The following CTNNA2 variants were observed in gnomAD, a reference collection of about 807,000 sequenced individuals.
CTNNA2 encodes the protein catenin alpha-2.
Under a neutral mutation model 101.0 loss-of-function variants are expected in CTNNA2, and 42 were observed. The ratio of observed to expected loss-of-function variants is 0.42; its 90% CI spans 0.32 to 0.54. The LOEUF is 0.54. CTNNA2 is among the 20% of genes least tolerant of loss of function. The pLI is 0.14. For missense variants in CTNNA2, 871 were observed against 1,223.1 expected (o/e 0.71, Z 4.29); for synonymous variants, 450 against 456.4 (o/e 0.99, Z 0.18).
At chr2:80,165,417 C>T (rs1291486738) in intron 7 of CTNNA2, among the ~76,000 whole-genome samples, 1 of 151,926 alleles carries the variant, frequency 6.6e-6, no homozygotes, top group Non-Finnish European at 1.5e-5. Context: ...CTAAAAGTTA[C>T]ATGTAGTTTT....
chr2:80,632,958 C>A (rs1283148215), intron 18 of CTNNA2, among the ~76,000 whole-genome samples: 1 of 152,178 alleles, frequency 6.6e-6, no homozygotes, highest in African/African-American at 2.4e-5. Flanking sequence ...TCCAAACTTT[C>A]ACAGCCAGTA....
chr2:79,463,936 C>G (rs1229318751), intron 4 of CTNNA2, among the ~76,000 whole-genome samples: 1 of 151,400 alleles, frequency 6.6e-6, no homozygotes. Context: ...ATAGATAGAA[C>G]TTGGAAAAAT....
intron 3 of CTNNA2, among the ~76,000 whole-genome samples, chr2:79,813,463 A>G (rs547398446): frequency 6.6e-6 from 1 of 152,314 alleles, no homozygotes; most frequent in African/African-American, 2.4e-5. Flanking sequence ...TGAATTATGG[A>G]TCCTGGAAGC....
chr2:80,424,850 G>A (rs929028983), intron 9 of CTNNA2, among the ~76,000 whole-genome samples: 1 of 152,156 alleles, frequency 6.6e-6, no homozygotes, highest in Non-Finnish European at 1.5e-5. Context: ...ACTGTCAAAC[G>A]CCTTGGGGAA....
chr2:79,874,166 G>C lies in CTNNA2; in HGVS notation c.676G>C (p.Ala226Pro), dbSNP rs1682817289. The C allele has an allele frequency of 1.2e-6, 2 of 1,614,072 alleles. No individual in the cohort carries two copies. Residue 226 changes from alanine (A) to proline (P), a missense_variant, in exon 6 of 19, where the codon GCA becomes CCA. Ala to Pro is a conservative substitution (Grantham distance 27). This residue lies in a region of CTNNA2 where 647 missense variants were observed against 831.5 expected (regional missense o/e 0.78). Transcript: ENST00000402739. The stretch of plus-strand genomic sequence containing the variant: ...CACAATGCTGTACACGGCCTCTCAA[G>C]CATTTCTCCGCCACCCAGATGTCGC... ...NATMLYTASQAFLRHPDVAAT... is the reference protein window; with the variant it reads ...NATMLYTASQPFLRHPDVAAT...
intron 1 of CTNNA2, among the ~76,000 whole-genome samples, chr2:79,532,156 T>C (rs981487294): frequency 1.3e-5 from 2 of 152,102 alleles, no homozygotes; most frequent in Non-Finnish European, 2.9e-5. Flanking sequence ...CAATTTCTGT[T>C]CCACTTTTTT....
At chr2:80,467,006 G>T (rs1001611188) in intron 9 of CTNNA2, among the ~76,000 whole-genome samples, 1 of 152,208 alleles carries the variant, frequency 6.6e-6, no homozygotes, top group Non-Finnish European at 1.5e-5. Flanking sequence ...ATATCATGAA[G>T]CATCAGTTTA....
At chr2:80,524,008 C>G (rs1402178539) in intron 9 of CTNNA2, among the ~76,000 whole-genome samples, 2 of 152,044 alleles carry the variant, frequency 1.3e-5, no homozygotes, top group African/African-American at 4.8e-5. Flanking sequence ...AGACTTTTTG[C>G]TCTTGGCGCT....
At chr2:80,055,723 G>A (rs1697174806) in intron 7 of CTNNA2, among the ~76,000 whole-genome samples, 1 of 152,044 alleles carries the variant, frequency 6.6e-6, no homozygotes, top group South Asian at 2.1e-4. Context: ...CATCAGCTTG[G>A]TCCTCTGCTC....
At chr2:80,315,183 C>T (rs184390559) in intron 7 of CTNNA2, among the ~76,000 whole-genome samples, 96 of 152,222 alleles carry the variant, frequency 6.3e-4, no homozygotes, top group African/African-American at 2.3e-3. Flanking sequence ...GCATTGTGCC[C>T]AGTATCTCAG....
chr2:79,654,931 A>C (rs1031718442), intron 2 of CTNNA2, among the ~76,000 whole-genome samples: 1 of 152,208 alleles, frequency 6.6e-6, no homozygotes, highest in African/African-American at 2.4e-5. Flanking sequence ...GAGGATAAAC[A>C]CTTGAAATTT....
At position 79,898,777 on chromosome 2, in the gene CTNNA2, A is replaced by T. The variant is rs181345221; in HGVS notation, c.853-10817A>T. 7.4e-5 allele frequency among the ~76,000 whole-genome samples: 11 copies of T among 149,416 alleles called. No homozygotes were observed. The East Asian group carries it at 2.1e-3, about 29-fold the overall frequency. ...GAGGTGATGGCAGAACTCCCAACAG[A>T]TCATGTCCAGTGTACAGCTGTAGTA... is the stretch of plus-strand genomic sequence containing the variant. On this transcript the variant is annotated intron_variant, in intron 6 of 18. Coordinates refer to ENST00000402739, the MANE Select transcript of CTNNA2 (RefSeq NM_001282597.3).
chr2:80,229,650 A>T (rs985404450), intron 7 of CTNNA2, among the ~76,000 whole-genome samples: 9 of 152,142 alleles, frequency 5.9e-5, no homozygotes, highest in Non-Finnish European at 1.0e-4. Context: ...TTACATAGGC[A>T]TGATAGGTTA....
At position 79,421,343 on chromosome 2, in the gene CTNNA2, A is replaced by C. The variant is rs144144697; in HGVS notation, c.-135+47330A>C. Among the ~76,000 whole-genome samples the C allele has an allele frequency of 1.8e-4, 27 of 152,320 alleles. No individual in the cohort carries two copies. In the East Asian group the frequency reaches 4.8e-3, roughly 27 times the overall value. ...CTTTGGAGGCAGAGGGAGACAAAGG[A>C]ACTTACGCGAGAGCTGAGATTTGAA... On this transcript the variant is annotated intron_variant, in intron 4 of 21. Coordinates refer to the CTNNA2 transcript ENST00000466387.
At chr2:79,689,263 T>C (rs964929840) in intron 2 of CTNNA2, among the ~76,000 whole-genome samples, 1 of 151,956 alleles carries the variant, frequency 6.6e-6, no homozygotes, top group Non-Finnish European at 1.5e-5. Flanking sequence ...TCGACAGAGT[T>C]GTCACAGATC....
intron 3 of CTNNA2, among the ~76,000 whole-genome samples, chr2:79,772,355 A>G (rs1416041001): frequency 2.6e-5 from 4 of 152,176 alleles, no homozygotes; most frequent in Non-Finnish European, 4.4e-5. Context: ...GCTCACATAA[A>G]ATTAGTTAAG....
chr2:79,670,578 A>G (rs1682768907), intron 2 of CTNNA2, among the ~76,000 whole-genome samples: 1 of 152,164 alleles, frequency 6.6e-6, no homozygotes. Context: ...TATAATAATA[A>G]TTGTGGTTTA....
chr2:80,177,824 G>A (rs1332054691), intron 7 of CTNNA2, among the ~76,000 whole-genome samples: 1 of 152,140 alleles, frequency 6.6e-6, no homozygotes, highest in Non-Finnish European at 1.5e-5. Flanking sequence ...TGAACATCCA[G>A]TCAAACCATT....
chr2:80,294,798 G>A (rs1295338471), intron 7 of CTNNA2, among the ~76,000 whole-genome samples: 3 of 152,150 alleles, frequency 2.0e-5, no homozygotes, highest in Admixed American at 6.5e-5. Flanking sequence ...TCTGCTAGCT[G>A]AGCAATAGAG....
Sources: allele counts gnomAD v4.1 joint callset (sites outside exome capture counted in the v4.1 genomes callset), GRCh38; gene constraint gnomAD v4.1.1; regional missense constraint gnomAD v4.1.1; transcripts MANE v1.5; gene names NCBI Gene and HGNC (gene_info 2026-07-23, HGNC 2026-07-21).